Variants in ASMTL observed in about 807,000 individuals in gnomAD.
ASMTL encodes the protein acetylserotonin O-methyltransferase like, also known as probable bifunctional dTTP/UTP pyrophosphatase/methyltransferase protein.
ASMTL carries 57 observed loss-of-function variants against 60.3 expected under a neutral mutation model. The observed-to-expected ratio is 0.95, with a 90% CI of 0.76 to 1.18. ASMTL has a LOEUF of 1.18. ASMTL is among the 50% of genes most tolerant of loss of function. The probability of loss-of-function intolerance (pLI) is 0.00; values close to 1 mark genes in which losing one functional copy is unlikely to be tolerated. For synonymous variants in ASMTL, 419 were observed against 373.0 expected, an observed-to-expected ratio of 1.12 and a Z score of -1.42; for missense variants, 981 against 852.6, an observed-to-expected ratio of 1.15 and a Z score of -1.88.
intron 5 of ASMTL, 67 bp from the exon 6 acceptor site, chrX:1,432,444 C>T (rs540522028): frequency 9.0e-6 from 11 of 1,219,200 alleles, no homozygotes; most frequent in South Asian, 2.5e-5. Context: ...CTGACAGCTG[C>T]GTGGCTGTGC....
At chrX:1,438,344 A>C (rs2091025703) in intron 3 of ASMTL, among the ~76,000 whole-genome samples, 1 of 151,912 alleles carries the variant, frequency 6.6e-6, no homozygotes. Flanking sequence ...GGCCACATGG[A>C]GATGGAGGCA....
rs5989854 is a variant in ASMTL at position 1,418,033 on chromosome X, C to A, written c.1462G>T (p.Glu488Ter). The change falls in exon 11 of 13, where the codon GAG (glutamate) becomes TAG (stop). Residue 488 changes from glutamate to a stop codon, truncating the protein, a stop_gained. Transcript: ENST00000381317. LOFTEE classifies it high-confidence loss of function. ...GGGGGTTGGAAGTGGGCGGCCAGCT[C>A]GATAATGTCTGGGAGGTCAAACACA... ...VTVFDLPDII[E>*]LAAHFQPPGP... is the part of the protein sequence containing the mutation. 6.2e-7 allele frequency: 1 copy of A among 1,613,390 alleles called. No individual in the cohort carries two copies. Among genetic ancestry groups the A allele is most frequent in the Non-Finnish European group, 8.5e-7 (1 of 1,179,660 alleles).
chrX:1,412,969 G>A (rs2090091495), intron 11 of ASMTL, 115 bp from the exon 12 acceptor site: 2 of 1,189,860 alleles, frequency 1.7e-6, no homozygotes, highest in Non-Finnish European at 1.2e-6. Flanking sequence ...AGAGAGGGGT[G>A]TGGGCGGGAA....
At position 1,412,790 on chromosome X, in the gene ASMTL, G is replaced by C. The variant is rs748390215; in HGVS notation, c.1587C>G (p.Asp529Glu). The C allele has an allele frequency of 6.2e-6, 10 of 1,613,882 alleles. No individual in the cohort carries two copies. The African/African-American group carries it at 1.2e-4, about 19-fold the overall frequency. Residue 529 changes from aspartate to glutamate, a missense_variant, in exon 12 of 13, where the codon GAC becomes GAG. Coordinates refer to ENST00000381317, the MANE Select transcript of ASMTL (RefSeq NM_004192.4). ...ACTTGTGGACTTTGTCGTCTGGCCA[G>C]TCATGCAGGATCCGGCACAGGACGT... ...ELYVLCRILH[D>E]WPDDKVHKLL...
intron 11 of ASMTL, among the ~76,000 whole-genome samples, chrX:1,416,884 GACAC>G (rs1184698514): frequency 2.7e-5 from 4 of 147,246 alleles, no homozygotes; most frequent in Non-Finnish European, 1.5e-5. Flanking sequence ...CAGACACGCA[GACAC>G]ACATACCCTC....
intron 12 of ASMTL, among the ~76,000 whole-genome samples, chrX:1,404,787 ATATGGATG>A (rs1209679013): frequency 6.7e-6 from 1 of 149,688 alleles, no homozygotes; most frequent in Admixed American, 6.6e-5. Context: ...ATGGATGGAT[ATATGGATG>A]TATGGATGAG....
intron 1 of ASMTL, among the ~76,000 whole-genome samples, chrX:1,447,883 C>A (rs2091262979): frequency 7.1e-6 from 1 of 141,026 alleles, no homozygotes; most frequent in African/African-American, 2.7e-5. Context: ...ATCTTGGACC[C>A]ATAACACCAT....
chrX:1,427,524 C>T (rs4604639), intron 7 of ASMTL, among the ~76,000 whole-genome samples: 3 of 148,912 alleles, frequency 2.0e-5, no homozygotes, highest in African/African-American at 4.9e-5. Context: ...TGGAGTGATG[C>T]GGCCACAAGC....
At chrX:1,415,636 T>C (rs2090215778) in intron 11 of ASMTL, among the ~76,000 whole-genome samples, 1 of 151,684 alleles carries the variant, frequency 6.6e-6, no homozygotes, top group Admixed American at 6.6e-5. Context: ...CGGCTAATTT[T>C]TGTATTTTTA....
chrX:1,404,067 G>T (rs1370721002), intron 12 of ASMTL, among the ~76,000 whole-genome samples: 1 of 151,252 alleles, frequency 6.6e-6, no homozygotes, highest in Admixed American at 6.6e-5. Context: ...GGATGGATGG[G>T]TGAATAGATG....
chrX:1,445,023 C>T (rs759753497), intron 1 of ASMTL, among the ~76,000 whole-genome samples: 24 of 152,248 alleles, frequency 1.6e-4, no homozygotes, highest in South Asian at 4.2e-4. Flanking sequence ...GTCTTCCCTG[C>T]GCGGCTCCAG....
chrX:1,427,398 A>G lies in ASMTL; in HGVS notation c.897+336T>C, dbSNP rs754854890. 2.0e-5 allele frequency among the ~76,000 whole-genome samples: 3 copies of G among 152,270 alleles called. No homozygotes were observed. In the South Asian group the frequency reaches 6.2e-4, roughly 32 times the overall value. On this transcript the variant is annotated intron_variant, in intron 7 of 12. Coordinates refer to ENST00000381317, the MANE Select transcript of ASMTL (RefSeq NM_004192.4). ...GGCAGATGTAATTAAGAATCTCAAG[A>G]GGAAATCATCACGAAGAAGGGTGGA...
intron 7 of ASMTL, 42 bp from the exon 8 acceptor site, chrX:1,425,729 C>G (rs368600075): frequency 1.3e-6 from 2 of 1,593,972 alleles, no homozygotes; most frequent in Non-Finnish European, 1.7e-6. Flanking sequence ...AGTCCCTTGT[C>G]CAGTACTTTC....
chrX:1,423,329 A>G (rs2090528082), intron 8 of ASMTL, among the ~76,000 whole-genome samples: 1 of 152,066 alleles, frequency 6.6e-6, no homozygotes, highest in African/African-American at 2.4e-5. Context: ...CTCTAAGGAT[A>G]TAGTCACATG....
In ASMTL at chrX:1,418,976, A is replaced by G. The variant is rs375830394; in HGVS notation, c.1378+6T>C. 1.9e-6 allele frequency: 3 copies of G among 1,611,782 alleles called. No homozygotes were observed. The highest frequency in any genetic ancestry group is 1.1e-5 in the South Asian group (1 of 90,972). ...TAAGGAGAGCCCTGGCGGGGGGGCC[A>G]CCCACCTCCCACGTCGCAGGCGGAG... On this transcript the variant is annotated splice_donor_region_variant and intron_variant, in intron 10 of 12. Coordinates refer to ENST00000381317, the MANE Select transcript of ASMTL (RefSeq NM_004192.4).
rs757140028 is a variant in ASMTL at position 1,427,992 on chromosome X, G to A, written c.639C>T (p.Tyr213=). The A allele has an allele frequency of 5.9e-5, 95 of 1,613,480 alleles. No homozygotes were observed. In the Admixed American group the frequency reaches 1.4e-3, roughly 24 times the overall value. The change falls in exon 7 of 13, where the codon TAC becomes TAT. Residue 213 remains tyrosine (Y), a synonymous_variant. Transcript: ENST00000381317. ...GCCGCAGGTCCTCCGGACGGGGCGG[G>A]TAGTAGAGCTTCACCAGCTGCTTGC... is the stretch of plus-strand genomic sequence containing the variant. ...HFCKQLVKLY[Y]PPRPEDLRRS...
intron 2 of ASMTL, chrX:1,441,723 CAATT>C (rs1795322907): frequency 6.4e-6 from 1 of 155,526 alleles, no homozygotes; most frequent in African/African-American, 2.4e-5. Context: ...ACTGTGATAT[CAATT>C]GTGACAATAT....
chrX:1,410,666 C>G (rs1326412555), intron 12 of ASMTL, among the ~76,000 whole-genome samples: 1 of 151,900 alleles, frequency 6.6e-6, no homozygotes, highest in Non-Finnish European at 1.5e-5. Context: ...CCCGCTTTGG[C>G]CTCCCAAAGT....
chrX:1,424,291 ACCACCCACCTAC>A (rs2090553488), intron 8 of ASMTL, among the ~76,000 whole-genome samples: 1 of 109,516 alleles, frequency 9.1e-6, no homozygotes, highest in Non-Finnish European at 1.9e-5. Flanking sequence ...CACCCATCCA[ACCACCCACCTAC>A]CCATTCATCC....
Sources: gnomAD v4.1 joint callset for allele counts (sites outside exome capture counted in the v4.1 genomes callset) on GRCh38, gnomAD v4.1.1 for gene constraint, MANE v1.5 for transcripts, NCBI Gene and HGNC (gene_info 2026-07-23, HGNC 2026-07-21) for gene names.